The following PARP16 variants were observed in gnomAD, a reference collection of about 807,000 sequenced individuals.
PARP16 encodes the protein poly(ADP-ribose) polymerase family member 16.
PARP16 carries 31 observed loss-of-function variants against 35.0 expected under a neutral mutation model. The observed-to-expected ratio is 0.88, with a 90% CI of 0.66 to 1.19. The LOEUF is 1.19. Ranked by LOEUF, PARP16 falls within the 50% of genes most tolerant of loss-of-function variation. The pLI, the probability that PARP16 is intolerant of heterozygous loss-of-function variation, is 0.00. For missense variants in PARP16, 424 were observed against 411.2 expected, an observed-to-expected ratio of 1.03 and a Z score of -0.27; for synonymous variants, 162 against 169.5, an observed-to-expected ratio of 0.96 and a Z score of 0.34.
At chr15:65,259,853 T>C (rs1276794997) in intron 5 of PARP16, among the ~76,000 whole-genome samples, 1 of 152,182 alleles carries the variant, frequency 6.6e-6, no homozygotes, top group African/African-American at 2.4e-5. Flanking sequence ...ATGACCTAGC[T>C]CAGGGTGTCT....
At chr15:65,239,732 C>T (rs1196502063) in intron 3 of PARP16, among the ~76,000 whole-genome samples, 7 of 149,740 alleles carry the variant, frequency 4.7e-5, no homozygotes, top group African/African-American at 1.5e-4. Context: ...TCTCCCCTCA[C>T]TGCAAGCTCC....
At chr15:65,285,492 C>A in intron 1 of PARP16, 1 of 402,692 alleles carries the variant, frequency 2.5e-6, no homozygotes, top group Non-Finnish European at 4.9e-6. Flanking sequence ...GAATCTGATA[C>A]CAATTAAATG....
At chr15:65,231,905 C>T (rs2088782044), downstream of PARP16, among the ~76,000 whole-genome samples, 1 of 152,024 alleles carries the variant, frequency 6.6e-6, no homozygotes, top group African/African-American at 2.4e-5. Flanking sequence ...GTGGCAAATA[C>T]AGTTTTTGTT....
chr15:65,256,241 T>C (rs1196041561), downstream of PARP16, among the ~76,000 whole-genome samples: 1 of 152,178 alleles, frequency 6.6e-6, no homozygotes, highest in African/African-American at 2.4e-5. Context: ...AACTGATACA[T>C]ATCAGTGATT....
At chr15:65,249,359 C>T (rs973433520) in intron 2 of PARP16, among the ~76,000 whole-genome samples, 1 of 152,162 alleles carries the variant, frequency 6.6e-6, no homozygotes, top group Non-Finnish European at 1.5e-5. Context: ...GGACAGTGGC[C>T]CAGTGGGGGC....
intron 1 of PARP16, 22 bp downstream of exon 1, chr15:65,286,231 C>G: frequency 6.5e-7 from 1 of 1,533,998 alleles, no homozygotes; most frequent in Non-Finnish European, 8.8e-7. Context: ...CAGTGGGCAG[C>G]GCCAGGACAA....
At chr15:65,255,969 C>T (rs1183890379), downstream of PARP16, among the ~76,000 whole-genome samples, 1 of 152,112 alleles carries the variant, frequency 6.6e-6, no homozygotes, top group Non-Finnish European at 1.5e-5. Context: ...CTGACTTTGT[C>T]CACATCTGCT....
chr15:65,266,089 C>T (rs1399761942), intron 3 of PARP16, among the ~76,000 whole-genome samples: 31 of 151,982 alleles, frequency 2.0e-4, no homozygotes, highest in Admixed American at 8.5e-4. Flanking sequence ...CCACCATGCC[C>T]GGCTAATTTT....
intron 3 of PARP16, among the ~76,000 whole-genome samples, chr15:65,245,965 C>A (rs906749108): frequency 1.3e-5 from 2 of 152,106 alleles, no homozygotes; most frequent in Non-Finnish European, 2.9e-5. Flanking sequence ...CACAATGACT[C>A]CCAGAGGGCC....
chr15:65,267,306 CTTCT>C (rs781053263), intron 2 of PARP16, among the ~76,000 whole-genome samples: 53 of 149,906 alleles, frequency 3.5e-4, no homozygotes, highest in Middle Eastern at 7.5e-3. Context: ...TGAATTGCTC[CTTCT>C]AAGTGGAGAT....
At chr15:65,265,769 G>A (rs2089867698) in intron 3 of PARP16, among the ~76,000 whole-genome samples, 2 of 152,128 alleles carry the variant, frequency 1.3e-5, no homozygotes, top group Admixed American at 6.5e-5. Context: ...TGATGCAGAC[G>A]CTGCTGGTCC....
downstream of PARP16, among the ~76,000 whole-genome samples, chr15:65,257,387 T>C (rs550922761): frequency 2.7e-5 from 4 of 149,956 alleles, no homozygotes; most frequent in South Asian, 4.2e-4. Context: ...TGAGCTGAGA[T>C]TGCACCACTG....
intron 2 of PARP16, among the ~76,000 whole-genome samples, chr15:65,250,683 G>C (rs1567013625): frequency 2.0e-5 from 3 of 152,018 alleles, no homozygotes; most frequent in Admixed American, 2.0e-4. Flanking sequence ...TGAGGGCCAG[G>C]CTCCTCCAGT....
intron 1 of PARP16, 40 bp downstream of exon 1, chr15:65,286,213 C>A: frequency 6.7e-7 from 1 of 1,496,994 alleles, no homozygotes; most frequent in South Asian, 1.3e-5. Flanking sequence ...GGCACTTGGT[C>A]CAGGACGCAG....
At chr15:65,257,701 C>A (rs558962564), downstream of PARP16, among the ~76,000 whole-genome samples, 1 of 151,180 alleles carries the variant, frequency 6.6e-6, no homozygotes, top group African/African-American at 2.4e-5. Context: ...AGGTGCCTTG[C>A]AATGTTACAT....
chr15:65,262,653 T>A (rs909808446), intron 4 of PARP16, among the ~76,000 whole-genome samples: 1 of 152,166 alleles, frequency 6.6e-6, no homozygotes, highest in Non-Finnish European at 1.5e-5. Flanking sequence ...CACGCCAGTG[T>A]AGATCGGAGG....
At chr15:65,267,795 A>G (rs117545626) in intron 2 of PARP16, among the ~76,000 whole-genome samples, 31,528 of 141,852 alleles carry the variant, frequency 0.22, 4,237 homozygotes, top group Admixed American at 0.31. Context: ...TTTTTAAGCA[A>G]TTCTCTGCCT....
At chr15:65,282,871 G>C (rs1223327881) in intron 1 of PARP16, among the ~76,000 whole-genome samples, 1 of 152,194 alleles carries the variant, frequency 6.6e-6, no homozygotes, top group African/African-American at 2.4e-5. Flanking sequence ...TGATACCTTT[G>C]CAGAGGGGTG....
rs963477340 is a variant in PARP16, at chr15:65,286,115, C to G, written c.174+138G>C. The stretch of plus-strand genomic sequence containing the variant: ...TAGCTCATGGAAACCTTCCCCAAGG[C>G]AAGGCAAGACCAAGCTGGGAATGGA... On this transcript the variant is annotated intron_variant, in intron 1 of 5. Coordinates refer to ENST00000649807, the MANE Select transcript of PARP16 (RefSeq NM_001316943.2). The G allele has an allele frequency of 4.4e-6, 3 of 681,630 alleles. No homozygotes were observed. The African/African-American group carries it at 5.7e-5, about 13-fold the overall frequency. 42.2% of individuals were successfully genotyped at this position (681,630 alleles called of 1,614,324 possible). A position where few individuals can be genotyped will look rare whatever the true frequency, so the allele number is the denominator to read the frequency against.
Sources: gnomAD v4.1 joint callset for allele counts (sites outside exome capture counted in the v4.1 genomes callset) on GRCh38, gnomAD v4.1.1 for gene constraint, MANE v1.5 for transcripts, NCBI Gene and HGNC (gene_info 2026-07-23, HGNC 2026-07-21) for gene names.